The following SMARCA2 variants were observed in gnomAD, a reference collection of about 807,000 sequenced individuals.
The protein encoded by SMARCA2 is SWI/SNF-related matrix-associated actin-dependent regulator of chromatin subfamily A member 2.
SMARCA2 carries 61 observed loss-of-function variants against 199.8 expected under a neutral mutation model. That is an observed-to-expected ratio of 0.31 (90% CI 0.25 to 0.38). The LOEUF (loss-of-function observed/expected upper bound fraction) is 0.38. Ranked by LOEUF, SMARCA2 falls within the 10% of genes least tolerant of loss-of-function variation. SMARCA2 has a pLI of 1.00. For synonymous variants in SMARCA2, 935 were observed against 732.0 expected (o/e 1.28, Z -4.48); for missense variants, 1,344 against 2,012.2 (o/e 0.67, Z 6.35).
intron 30 of SMARCA2, 126 bp downstream of exon 30, chr9:2,181,802 G>T: frequency 1.6e-6 from 1 of 641,104 alleles, no homozygotes. Context: ...AGGAAAGGTT[G>T]GGATGTCCTT....
At chr9:2,022,487 T>TG (rs746457098) in intron 1 of SMARCA2, among the ~76,000 whole-genome samples, 45 of 152,302 alleles carry the variant, frequency 3.0e-4, no homozygotes, top group Non-Finnish European at 5.7e-4. Flanking sequence ...GCAATGAACT[T>TG]GGAGTTCATT....
At chr9:2,189,389 C>T (rs965592931) in intron 32 of SMARCA2, among the ~76,000 whole-genome samples, 13 of 152,172 alleles carry the variant, frequency 8.5e-5, no homozygotes, top group Admixed American at 3.3e-4. Flanking sequence ...GCGCCACACT[C>T]CAAGGCACAT....
chr9:2,023,454 T>C (rs546907361), intron 1 of SMARCA2, among the ~76,000 whole-genome samples: 2 of 152,328 alleles, frequency 1.3e-5, no homozygotes, highest in South Asian at 4.1e-4. Flanking sequence ...TGGGAAAGTG[T>C]TGTGAATAAC....
chr9:2,082,751 A>G (rs975215495), intron 15 of SMARCA2, among the ~76,000 whole-genome samples: 2 of 152,198 alleles, frequency 1.3e-5, no homozygotes, highest in Middle Eastern at 3.2e-3. Context: ...TTCTATTAAT[A>G]TTATTGTGTT....
At chr9:2,085,759 G>C (rs1269235774) in intron 17 of SMARCA2, 1 of 152,082 alleles carries the variant, frequency 6.6e-6, no homozygotes, top group Non-Finnish European at 1.5e-5. Flanking sequence ...GGACTGTATA[G>C]AATACTTTCC....
rs1822291076 is a variant in SMARCA2 at position 2,096,777 on chromosome 9, A to G, written c.2991+13A>G. The stretch of plus-strand genomic sequence containing the variant: ...GAAAGATAAGAAGGTACGTTGCGAA[A>G]GATGATGCAACTCAAGGTGCTGTGG... On this transcript the variant is annotated intron_variant, in intron 20 of 33. Coordinates refer to ENST00000349721, the MANE Select transcript of SMARCA2 (RefSeq NM_003070.5). 6 of 1,496,468 alleles carry G rather than the reference A, an allele frequency of 4.0e-6. No individual in the cohort carries two copies. Among genetic ancestry groups the G allele is most frequent in the Non-Finnish European group, 5.6e-6 (6 of 1,072,676 alleles). 92.7% of individuals were successfully genotyped at this position (1,496,468 alleles called of 1,614,324 possible). A position where few individuals can be genotyped will look rare whatever the true frequency, so the allele number is the denominator to read the frequency against.
intron 9 of SMARCA2, among the ~76,000 whole-genome samples, chr9:2,069,949 C>T (rs185720013): frequency 6.6e-6 from 1 of 152,168 alleles, no homozygotes; most frequent in Admixed American, 6.5e-5. Flanking sequence ...CCTTCCCCCC[C>T]AGTAGTCCCC....
chr9:2,159,953 T>C (rs1160570317), intron 27 of SMARCA2: 7 of 1,579,594 alleles, frequency 4.4e-6, no homozygotes, highest in Non-Finnish European at 6.0e-6. Context: ...TCAGTAGAAC[T>C]ACATCCCAGG....
At chr9:2,107,302 C>T (rs1169595931) in intron 23 of SMARCA2, among the ~76,000 whole-genome samples, 4 of 152,066 alleles carry the variant, frequency 2.6e-5, no homozygotes, top group African/African-American at 9.7e-5. Flanking sequence ...AAGTTCCCAG[C>T]TATTTATACA....
chr9:2,185,121 A>T (rs560878089), intron 31 of SMARCA2, among the ~76,000 whole-genome samples: 1 of 152,268 alleles, frequency 6.6e-6, no homozygotes, highest in African/African-American at 2.4e-5. Flanking sequence ...TGGGCAACAG[A>T]TCTTCAGAAC....
chr9:2,172,077 C>A (rs1826276359), intron 29 of SMARCA2, among the ~76,000 whole-genome samples: 1 of 152,086 alleles, frequency 6.6e-6, no homozygotes. Flanking sequence ...TCTGTCTTGT[C>A]CCTTGCTGTC....
chr9:2,023,877 A>C (rs1385741068), intron 1 of SMARCA2, among the ~76,000 whole-genome samples: 1 of 152,224 alleles, frequency 6.6e-6, no homozygotes, highest in Non-Finnish European at 1.5e-5. Context: ...CTGAATCAGC[A>C]AACAGACATA....
At position 2,158,875 on chromosome 9, in the gene SMARCA2, A is replaced by G. The variant is rs1401712508; in HGVS notation, c.3982-2811A>G. 12 of 1,503,182 alleles carry G rather than the reference A, an allele frequency of 8.0e-6. No homozygotes were observed. In the African/African-American group the frequency reaches 9.7e-5, roughly 12 times the overall value. 93.1% of individuals were successfully genotyped at this position (1,503,182 alleles called of 1,614,324 possible). A position where few individuals can be genotyped will look rare whatever the true frequency, so the allele number is the denominator to read the frequency against. On this transcript the variant is annotated intron_variant, in intron 27 of 33. Coordinates refer to ENST00000349721, the MANE Select transcript of SMARCA2 (RefSeq NM_003070.5). ...AAAAGACCCTTAGAAATCACAGAAC[A>G]TAAAGCACTGCATATGGATGTGTTT...
intron 30 of SMARCA2, 86 bp downstream of exon 30, chr9:2,181,762 C>A: frequency 1.3e-6 from 1 of 764,028 alleles, no homozygotes; most frequent in Non-Finnish European, 2.3e-6. Context: ...TGGAGCTGAC[C>A]GCCACTGATG....
At chr9:2,134,757 A>G (rs1824121637) in intron 27 of SMARCA2, among the ~76,000 whole-genome samples, 1 of 152,088 alleles carries the variant, frequency 6.6e-6, no homozygotes, top group Non-Finnish European at 1.5e-5. Flanking sequence ...AGGTTATTAT[A>G]TCATGAGAGC....
At position 2,179,922 on chromosome 9, in the gene SMARCA2, C is replaced by T. The variant is rs544632706; in HGVS notation, c.4254-1649C>T. ...TTACTCTCACTGCATTTCATAGGCA[C>T]CTTTTCAAACAGATAAAATGTTTGG... is the stretch of plus-strand genomic sequence containing the variant. On this transcript the variant is annotated intron_variant, in intron 29 of 33. Coordinates refer to ENST00000349721, the MANE Select transcript of SMARCA2 (RefSeq NM_003070.5). Among the ~76,000 whole-genome samples, 15 of 152,252 alleles carry T rather than the reference C, an allele frequency of 9.9e-5. No individual in the cohort carries two copies. In the South Asian group the frequency reaches 2.9e-3, roughly 29 times the overall value.
At chr9:2,088,066 T>A (rs1422384322) in intron 18 of SMARCA2, among the ~76,000 whole-genome samples, 3 of 152,224 alleles carry the variant, frequency 2.0e-5, no homozygotes, top group Non-Finnish European at 4.4e-5. Context: ...AAGCCCCTGT[T>A]CCTTTAGTAT....
At chr9:2,098,860 T>G (rs373518171) in intron 21 of SMARCA2, among the ~76,000 whole-genome samples, 2 of 151,948 alleles carry the variant, frequency 1.3e-5, no homozygotes, top group African/African-American at 4.8e-5. Flanking sequence ...GGAAAGAGAA[T>G]TGCTTGAACC....
In SMARCA2 at chr9:2,102,784, G is replaced by A. The variant is rs78541098; in HGVS notation, c.3125+1168G>A. 7.4e-3 allele frequency among the ~76,000 whole-genome samples: 1,125 copies of A among 152,078 alleles called. 14 individuals carry two copies. The highest frequency in any genetic ancestry group is 0.026 in the African/African-American group (1,063 of 41,482). ...CCATAGTGATCTTATAAAAAGGTAC[G>A]CCAGACCTCATCACTCCCCTGCCTA... On this transcript the variant is annotated intron_variant, in intron 22 of 33. Coordinates refer to ENST00000349721, the MANE Select transcript of SMARCA2 (RefSeq NM_003070.5).
Sources: allele counts gnomAD v4.1 joint callset (sites outside exome capture counted in the v4.1 genomes callset), GRCh38; gene constraint gnomAD v4.1.1; transcripts MANE v1.5; gene names NCBI Gene and HGNC (gene_info 2026-07-23, HGNC 2026-07-21).